ZNRF2: variants seen among roughly 807,000 people sequenced by gnomAD.
ZNRF2 encodes the protein zinc and ring finger 2.
Under a neutral mutation model 20.4 loss-of-function variants are expected in ZNRF2, and 16 were observed. The observed-to-expected ratio is 0.79, with a 90% CI of 0.53 to 1.19. ZNRF2 has a LOEUF of 1.19. Among genes scored for constraint, ZNRF2 ranks in the 50% most tolerant of loss-of-function variants. The probability of loss-of-function intolerance (pLI) is 0.00; values close to 1 mark genes in which losing one functional copy is unlikely to be tolerated. For missense variants in ZNRF2, 363 were observed against 332.4 expected, an observed-to-expected ratio of 1.09 and a Z score of -0.72; for synonymous variants, 178 against 144.9, an observed-to-expected ratio of 1.23 and a Z score of -1.64.
At chr7:30,341,071 G>A (rs928992251) in intron 2 of ZNRF2, among the ~76,000 whole-genome samples, 1 of 152,116 alleles carries the variant, frequency 6.6e-6, no homozygotes. Context: ...GTATTTCTGC[G>A]GGATCAGTGG....
At chr7:30,356,653 T>G (rs1800043044) in intron 3 of ZNRF2, among the ~76,000 whole-genome samples, 1 of 151,428 alleles carries the variant, frequency 6.6e-6, no homozygotes, top group South Asian at 2.1e-4. Context: ...AAAAGCATTA[T>G]TAGGGATAGA....
At chr7:30,332,936 G>GT (rs568387956) in intron 2 of ZNRF2, among the ~76,000 whole-genome samples, 155 of 152,068 alleles carry the variant, frequency 1.0e-3, no homozygotes, top group African/African-American at 3.5e-3. Context: ...ACTGGTTTTA[G>GT]TTTTTTGAGA....
intron 2 of ZNRF2, among the ~76,000 whole-genome samples, chr7:30,337,074 C>T (rs915310736): frequency 6.6e-6 from 1 of 151,998 alleles, no homozygotes; most frequent in Non-Finnish European, 1.5e-5. Flanking sequence ...TCAATTTTTT[C>T]TCATTTTTAA....
intron 2 of ZNRF2, among the ~76,000 whole-genome samples, chr7:30,341,531 A>G (rs779685246): frequency 6.6e-6 from 1 of 151,518 alleles, no homozygotes; most frequent in African/African-American, 2.4e-5. Context: ...TTCAGTTTCC[A>G]TGTAGTTGTG....
At chr7:30,334,900 C>A (rs976535989) in intron 2 of ZNRF2, among the ~76,000 whole-genome samples, 1 of 151,450 alleles carries the variant, frequency 6.6e-6, no homozygotes, top group African/African-American at 2.4e-5. Context: ...AGAAATTAAT[C>A]TTTTTAGAAG....
At chr7:30,354,583 A>G (rs956172466) in intron 2 of ZNRF2, among the ~76,000 whole-genome samples, 2 of 152,162 alleles carry the variant, frequency 1.3e-5, no homozygotes, top group African/African-American at 4.8e-5. Flanking sequence ...GTTGGTTTTT[A>G]TAGGAGGAAT....
chr7:30,292,482 T>C (rs1416636392), intron 1 of ZNRF2, among the ~76,000 whole-genome samples: 2 of 152,116 alleles, frequency 1.3e-5, no homozygotes, highest in Non-Finnish European at 2.9e-5. Context: ...AGGGGCCTTA[T>C]TATTCTATTT....
chr7:30,298,037 C>T (rs2391855), intron 1 of ZNRF2, among the ~76,000 whole-genome samples: 2 of 151,860 alleles, frequency 1.3e-5, no homozygotes, highest in African/African-American at 4.8e-5. Context: ...CTTTTAAAAA[C>T]GTGATCTTAT....
chr7:30,291,958 A>T (rs1798918814), intron 1 of ZNRF2, among the ~76,000 whole-genome samples: 1 of 152,178 alleles, frequency 6.6e-6, no homozygotes, highest in South Asian at 2.1e-4. Flanking sequence ...TTTTAATTAT[A>T]AAAATAATAC....
At chr7:30,330,596 C>T (rs1799622896) in intron 2 of ZNRF2, among the ~76,000 whole-genome samples, 1 of 152,088 alleles carries the variant, frequency 6.6e-6, no homozygotes, top group Non-Finnish European at 1.5e-5. Flanking sequence ...TTTTTTCCCA[C>T]TGTAGATATA....
At chr7:30,342,924 A>G (rs1201735567) in intron 2 of ZNRF2, among the ~76,000 whole-genome samples, 1 of 151,868 alleles carries the variant, frequency 6.6e-6, no homozygotes, top group Admixed American at 6.6e-5. Flanking sequence ...TTTGTTTCCT[A>G]GTTTTGCCGC....
chr7:30,343,635 A>G (rs568054339), intron 2 of ZNRF2, among the ~76,000 whole-genome samples: 3 of 152,136 alleles, frequency 2.0e-5, no homozygotes, highest in South Asian at 2.1e-4. Flanking sequence ...AACCTTGTCA[A>G]TAGTAAGATT....
intron 1 of ZNRF2, among the ~76,000 whole-genome samples, chr7:30,308,398 C>T (rs1799241539): frequency 6.6e-6 from 1 of 152,114 alleles, no homozygotes; most frequent in Admixed American, 6.6e-5. Context: ...CATATGTGCA[C>T]AGATTTCTTT....
intron 1 of ZNRF2, among the ~76,000 whole-genome samples, chr7:30,304,106 C>T (rs961138073): frequency 6.6e-6 from 1 of 152,076 alleles, no homozygotes; most frequent in Non-Finnish European, 1.5e-5. Context: ...AGTCATAACC[C>T]TTTGAGGGTA....
chr7:30,293,330 C>G (rs1028733074), intron 1 of ZNRF2, among the ~76,000 whole-genome samples: 1 of 150,866 alleles, frequency 6.6e-6, no homozygotes, highest in African/African-American at 2.4e-5. Flanking sequence ...CTCACTGCAA[C>G]CTCTGCCTCC....
rs1285518418 is a variant in ZNRF2, at chr7:30,351,488, G to A, written c.566-4240G>A. On this transcript the variant is annotated intron_variant, in intron 2 of 4. Coordinates refer to ENST00000323037, the MANE Select transcript of ZNRF2 (RefSeq NM_147128.4). ...AGTTATTTTATCCAGAAGATAAAGC[G>A]TGTGACCAGTCTTGAGAGTACTTCC... Among the ~76,000 whole-genome samples, 8 of 152,162 alleles carry A rather than the reference G, an allele frequency of 5.3e-5. No individual in the cohort carries two copies. The South Asian group carries it at 1.2e-3, about 24-fold the overall frequency.
intron 2 of ZNRF2, among the ~76,000 whole-genome samples, chr7:30,341,407 G>T (rs1799794127): frequency 6.6e-6 from 1 of 151,990 alleles, no homozygotes; most frequent in African/African-American, 2.4e-5. Context: ...CACTGCTTTG[G>T]CTGGGTCCCA....
chr7:30,314,831 T>A (rs1278250286), intron 1 of ZNRF2, among the ~76,000 whole-genome samples: 4 of 151,698 alleles, frequency 2.6e-5, no homozygotes. Context: ...GTATTTTTTT[T>A]TTTTGGAGAC....
chr7:30,292,256 A>G (rs1798924657), intron 1 of ZNRF2, among the ~76,000 whole-genome samples: 1 of 152,180 alleles, frequency 6.6e-6, no homozygotes, highest in South Asian at 2.1e-4. Flanking sequence ...AATTTCCCAT[A>G]TGATTTCTTC....
Sources: allele counts gnomAD v4.1 joint callset (sites outside exome capture counted in the v4.1 genomes callset), GRCh38; gene constraint gnomAD v4.1.1; transcripts MANE v1.5; gene names NCBI Gene and HGNC (gene_info 2026-07-23, HGNC 2026-07-21).